The following XYLT1 variants were observed in gnomAD, a reference collection of about 807,000 sequenced individuals.
The protein encoded by XYLT1 is beta-D-xylosyltransferase 1.
XYLT1 carries 36 observed loss-of-function variants against 91.3 expected under a neutral mutation model. The observed-to-expected ratio is 0.39, with a 90% CI of 0.30 to 0.52. The LOEUF (loss-of-function observed/expected upper bound fraction) is 0.52. Ranked by LOEUF, XYLT1 falls within the 20% of genes least tolerant of loss-of-function variation. The pLI, the probability that XYLT1 is intolerant of heterozygous loss-of-function variation, is 0.68. For missense variants in XYLT1, 1,242 were observed against 1,284.5 expected, an observed-to-expected ratio of 0.97 and a Z score of 0.51; for synonymous variants, 588 against 532.0, an observed-to-expected ratio of 1.11 and a Z score of -1.45.
At chr16:17,111,685 C>T (rs1308373905) in intron 11 of XYLT1, among the ~76,000 whole-genome samples, 1 of 152,194 alleles carries the variant, frequency 6.6e-6, no homozygotes, top group Non-Finnish European at 1.5e-5. Context: ...CCTTGACTAA[C>T]ACAGACAAGA....
intron 2 of XYLT1, among the ~76,000 whole-genome samples, chr16:17,335,093 C>CG (rs901411924): frequency 6.6e-6 from 1 of 151,802 alleles, no homozygotes; most frequent in African/African-American, 2.4e-5. Context: ...GGCATGGTGG[C>CG]GGGTGCCTCT....
chr16:17,249,443 C>T (rs368383127), intron 3 of XYLT1, among the ~76,000 whole-genome samples: 41 of 152,282 alleles, frequency 2.7e-4, no homozygotes, highest in Admixed American at 3.9e-4. Context: ...AAGATGAGTA[C>T]GATCAGGCCC....
At chr16:17,282,064 T>C (rs1398951465) in intron 2 of XYLT1, among the ~76,000 whole-genome samples, 1 of 152,214 alleles carries the variant, frequency 6.6e-6, no homozygotes, top group Non-Finnish European at 1.5e-5. Context: ...GCAACTCCAC[T>C]TTCTACCTCC....
At position 17,155,142 on chromosome 16, in the gene XYLT1, A is replaced by C. The variant is rs115490752; in HGVS notation, c.1370+3687T>G. 1.4e-3 allele frequency among the ~76,000 whole-genome samples: 209 copies of C among 152,326 alleles called. 1 individual carries two copies. Among genetic ancestry groups the C allele is most frequent in the African/African-American group, 4.8e-3 (200 of 41,582 alleles). On this transcript the variant is annotated intron_variant, in intron 6 of 11. Coordinates refer to ENST00000261381, the MANE Select transcript of XYLT1 (RefSeq NM_022166.4). ...GCCTAGAACACAGAGAGGCTTCATCACGTGAGAATTATGAGCTTGGACTCT... is the reference window on the plus strand; with the variant it reads ...GCCTAGAACACAGAGAGGCTTCATCCCGTGAGAATTATGAGCTTGGACTCT...
intron 1 of XYLT1, among the ~76,000 whole-genome samples, chr16:17,450,744 A>G (rs930139689): frequency 6.6e-6 from 1 of 152,158 alleles, no homozygotes; most frequent in Non-Finnish European, 1.5e-5. Flanking sequence ...ACAGACTAAG[A>G]CATTCCAGCA....
chr16:17,191,375 C>G (rs2032307301), intron 5 of XYLT1, among the ~76,000 whole-genome samples: 1 of 152,206 alleles, frequency 6.6e-6, no homozygotes, highest in Non-Finnish European at 1.5e-5. Context: ...GATGCTTGGA[C>G]TTCCATACTG....
chr16:17,101,901 CTG>C lies in XYLT1; in HGVS notation c.*6792_*6793del, dbSNP rs751909411. 1.3e-5 allele frequency: 2 copies of C among 152,194 alleles called. No homozygotes were observed. Among genetic ancestry groups the C allele is most frequent in the Admixed American group, 6.5e-5 (1 of 15,282 alleles). 9.4% of individuals were successfully genotyped at this position (152,194 alleles called of 1,614,324 possible). ...CAAGGCAGTCTGGGAAATGTAGTCT[CTG>C]TGGTAAAGAGGAAAGGAAAACACGT... On this transcript the variant is annotated 3_prime_UTR_variant, in exon 12 of 12. Coordinates refer to ENST00000261381, the MANE Select transcript of XYLT1 (RefSeq NM_022166.4).
intron 3 of XYLT1, among the ~76,000 whole-genome samples, chr16:17,240,746 C>T (rs1158029818): frequency 6.6e-6 from 1 of 152,178 alleles, no homozygotes; most frequent in African/African-American, 2.4e-5. Context: ...TGAACAAGCA[C>T]CTACTCTACA....
intron 2 of XYLT1, among the ~76,000 whole-genome samples, chr16:17,337,684 G>A (rs970506467): frequency 3.3e-5 from 5 of 151,858 alleles, no homozygotes; most frequent in African/African-American, 7.3e-5. Flanking sequence ...CCTTGTCTCC[G>A]AGAATTCCTT....
intron 1 of XYLT1, among the ~76,000 whole-genome samples, chr16:17,387,060 G>A (rs1411294480): frequency 2.0e-5 from 3 of 152,156 alleles, no homozygotes; most frequent in African/African-American, 7.2e-5. Flanking sequence ...ACCTTTGAGG[G>A]AGCAGAAGAA....
chr16:17,347,025 G>A (rs889447304), intron 2 of XYLT1, among the ~76,000 whole-genome samples: 2 of 152,176 alleles, frequency 1.3e-5, no homozygotes, highest in African/African-American at 2.4e-5. Context: ...GGGGGGAGCC[G>A]GGGTAGCCCC....
intron 1 of XYLT1, among the ~76,000 whole-genome samples, chr16:17,365,452 T>C (rs1162078240): frequency 6.6e-6 from 1 of 152,122 alleles, no homozygotes; most frequent in Non-Finnish European, 1.5e-5. Context: ...GGAATGTGAA[T>C]GCAGGCCAGA....
At position 17,387,851 on chromosome 16, in the gene XYLT1, G is replaced by T. The variant is rs557094987; in HGVS notation, c.364-29801C>A. Among the ~76,000 whole-genome samples the T allele has an allele frequency of 3.9e-5, 6 of 152,076 alleles. No homozygotes were observed. The East Asian group carries it at 1.2e-3, about 29-fold the overall frequency. ...TGTAGACACCAAGATTTTTCTCCTC[G>T]TGAAGATTCTATTCAGAGGAATACA... On this transcript the variant is annotated intron_variant, in intron 1 of 11. Coordinates refer to ENST00000261381, the MANE Select transcript of XYLT1 (RefSeq NM_022166.4).
intron 8 of XYLT1, 162 bp downstream of exon 8, chr16:17,138,193 T>C: frequency 7.6e-6 from 6 of 786,176 alleles, no homozygotes; most frequent in Non-Finnish European, 1.2e-5. Context: ...AAGTGCTCAA[T>C]AAACACTGGC....
chr16:17,360,344 ATC>A (rs1409524621), intron 1 of XYLT1, among the ~76,000 whole-genome samples: 1 of 152,156 alleles, frequency 6.6e-6, no homozygotes, highest in African/African-American at 2.4e-5. Context: ...GTCACAGGAA[ATC>A]TCTGTCAACT....
At chr16:17,317,224 T>A (rs2034649329) in intron 2 of XYLT1, among the ~76,000 whole-genome samples, 1 of 152,188 alleles carries the variant, frequency 6.6e-6, no homozygotes, top group Admixed American at 6.5e-5. Flanking sequence ...GTTCCTTGAC[T>A]GTAACTTCTC....
chr16:17,422,611 G>T (rs2036263600), intron 1 of XYLT1, among the ~76,000 whole-genome samples: 1 of 152,092 alleles, frequency 6.6e-6, no homozygotes, highest in African/African-American at 2.4e-5. Flanking sequence ...CTGGGTTCAA[G>T]CGATTCTCCT....
intron 1 of XYLT1, among the ~76,000 whole-genome samples, chr16:17,386,201 C>A (rs944422642): frequency 6.6e-6 from 1 of 152,166 alleles, no homozygotes; most frequent in Non-Finnish European, 1.5e-5. Flanking sequence ...AAAAGCACCC[C>A]CTTCGCCAGG....
intron 2 of XYLT1, among the ~76,000 whole-genome samples, chr16:17,290,888 C>T (rs979447840): frequency 2.6e-5 from 4 of 152,186 alleles, no homozygotes; most frequent in African/African-American, 9.7e-5. Context: ...CACCCTGGCT[C>T]TGCCACCAAA....
Sources: gnomAD v4.1 joint callset for allele counts (sites outside exome capture counted in the v4.1 genomes callset) on GRCh38, gnomAD v4.1.1 for gene constraint, MANE v1.5 for transcripts, NCBI Gene and HGNC (gene_info 2026-07-23, HGNC 2026-07-21) for gene names.